The following SLC24A4 variants were observed in gnomAD, a reference collection of about 807,000 sequenced individuals.
SLC24A4 encodes sodium/potassium/calcium exchanger 4.
In SLC24A4, 53 loss-of-function variants were observed where a neutral mutation model predicts 79.0. The ratio of observed to expected loss-of-function variants is 0.67; its 90% CI spans 0.54 to 0.84. The LOEUF is 0.84. Among genes scored for constraint, SLC24A4 ranks in the 40% least tolerant of loss-of-function variants. The probability of loss-of-function intolerance (pLI) is 0.00; values close to 1 mark genes in which losing one functional copy is unlikely to be tolerated. For synonymous variants in SLC24A4, 323 were observed against 323.8 expected (o/e 1.00, Z 0.03); for missense variants, 731 against 822.0 (o/e 0.89, Z 1.35).
chr14:92,326,455 C>T (rs930634606), intron 2 of SLC24A4, among the ~76,000 whole-genome samples: 1 of 150,526 alleles, frequency 6.6e-6, no homozygotes, highest in African/African-American at 2.4e-5. Flanking sequence ...CTGTTTCTCT[C>T]AAATGGGAGT....
chr14:92,444,559 T>G (rs900538301), intron 7 of SLC24A4, among the ~76,000 whole-genome samples: 5 of 152,202 alleles, frequency 3.3e-5, no homozygotes, highest in Admixed American at 3.3e-4. Context: ...CTTTGATTTA[T>G]AAAATGAAGT....
chr14:92,435,269 G>C (rs965287679), intron 3 of SLC24A4, among the ~76,000 whole-genome samples: 3 of 152,190 alleles, frequency 2.0e-5, no homozygotes, highest in Non-Finnish European at 2.9e-5. Context: ...TAAGTTACAA[G>C]TCACTCTCTG....
intron 2 of SLC24A4, among the ~76,000 whole-genome samples, chr14:92,431,664 A>G (rs558364648): frequency 1.3e-5 from 2 of 152,354 alleles, no homozygotes; most frequent in East Asian, 1.9e-4. Flanking sequence ...AGGATGACTG[A>G]TTCGTCACCG....
At chr14:92,413,686 C>G (rs61977266) in intron 2 of SLC24A4, among the ~76,000 whole-genome samples, 10,050 of 152,276 alleles carry the variant, frequency 0.066, 441 homozygotes, top group East Asian at 0.095. Context: ...GATTGAAAGT[C>G]AAAATCTGGG....
At chr14:92,384,381 T>G (rs940168573) in intron 2 of SLC24A4, among the ~76,000 whole-genome samples, 5 of 152,048 alleles carry the variant, frequency 3.3e-5, no homozygotes, top group Admixed American at 2.0e-4. Flanking sequence ...GCCCTGATGT[T>G]TTTTTCAGGG....
At chr14:92,443,926 G>A (rs886340414) in intron 7 of SLC24A4, among the ~76,000 whole-genome samples, 4 of 152,130 alleles carry the variant, frequency 2.6e-5, no homozygotes, top group Admixed American at 6.5e-5. Context: ...TGGGTGGCGG[G>A]CTTCCCTCAG....
chr14:92,330,077 T>G (rs754280958), intron 2 of SLC24A4, among the ~76,000 whole-genome samples: 44 of 152,076 alleles, frequency 2.9e-4, no homozygotes, highest in Non-Finnish European at 5.3e-4. Flanking sequence ...AAGTCAGAGG[T>G]GGTGCTCGCT....
intron 2 of SLC24A4, among the ~76,000 whole-genome samples, chr14:92,402,693 G>A (rs918400798): frequency 1.3e-5 from 2 of 152,050 alleles, no homozygotes; most frequent in Non-Finnish European, 2.9e-5. Context: ...TTCTTACATG[G>A]ATGGCAGCAG....
chr14:92,456,620 G>C lies in SLC24A4; in HGVS notation c.1255+12G>C. 6.2e-7 allele frequency: 1 copy of C among 1,612,090 alleles called. No individual in the cohort carries two copies. Among genetic ancestry groups the C allele is most frequent in the South Asian group, 1.1e-5 (1 of 90,968 alleles). ...CTTCTCCGTGCCGGGTGAGTTCTGG[G>C]GGTACTGGACTCTCGGGCTACATTT... is the stretch of plus-strand genomic sequence containing the variant. On this transcript the variant is annotated intron_variant, in intron 12 of 16. Coordinates refer to ENST00000532405, the MANE Select transcript of SLC24A4 (RefSeq NM_153646.4).
intron 12 of SLC24A4, among the ~76,000 whole-genome samples, chr14:92,474,863 A>ATATATATATATTTTT (rs36185636): frequency 1.1e-3 from 63 of 57,118 alleles, no homozygotes; most frequent in African/African-American, 3.9e-3. Context: ...ATATATATAT[A>ATATATATATATTTTT]TTTTTTTTTT....
chr14:92,392,519 G>A (rs1051151410), intron 2 of SLC24A4, among the ~76,000 whole-genome samples: 2 of 151,898 alleles, frequency 1.3e-5, no homozygotes, highest in Admixed American at 6.6e-5. Flanking sequence ...GCATCGTGGC[G>A]GCTAGAATCA....
intron 2 of SLC24A4, among the ~76,000 whole-genome samples, chr14:92,374,021 T>C (rs1888356350): frequency 6.6e-6 from 1 of 152,232 alleles, no homozygotes; most frequent in South Asian, 2.1e-4. Flanking sequence ...AAGAGACTCT[T>C]TTTCAAATGA....
chr14:92,454,610 A>G lies in SLC24A4; in HGVS notation c.1050+541A>G, dbSNP rs140041508. Among the ~76,000 whole-genome samples the G allele has an allele frequency of 2.2e-3, 340 of 152,352 alleles. 1 individual carries two copies. The Middle Eastern group carries it at 0.024, about 11-fold the overall frequency. On this transcript the variant is annotated intron_variant, in intron 11 of 16. Transcript: ENST00000532405. ...CACCAACTTTTCCAGTCTTTGTTGCATGTGTGCATTTTGGAATTTTAAGTC... is the reference window on the plus strand; with the variant it reads ...CACCAACTTTTCCAGTCTTTGTTGCGTGTGTGCATTTTGGAATTTTAAGTC...
At chr14:92,411,636 G>T (rs1392774400) in intron 2 of SLC24A4, among the ~76,000 whole-genome samples, 1 of 152,198 alleles carries the variant, frequency 6.6e-6, no homozygotes, top group Non-Finnish European at 1.5e-5. Flanking sequence ...GGTGGAGGAG[G>T]AGGAGAAATC....
chr14:92,340,852 A>T (rs567771382), intron 2 of SLC24A4, among the ~76,000 whole-genome samples: 4 of 152,300 alleles, frequency 2.6e-5, no homozygotes, highest in African/African-American at 7.2e-5. Context: ...GCAGGATTTT[A>T]CCGAGGCCCC....
At position 92,459,549 on chromosome 14, in the gene SLC24A4, C is replaced by T. The variant is rs778572405; in HGVS notation, c.1255+2941C>T. Among the ~76,000 whole-genome samples the T allele has an allele frequency of 7.9e-5, 12 of 152,318 alleles. No individual in the cohort carries two copies. In the East Asian group the frequency reaches 1.5e-3, roughly 20 times the overall value. On this transcript the variant is annotated intron_variant, in intron 12 of 16. Coordinates refer to ENST00000532405, the MANE Select transcript of SLC24A4 (RefSeq NM_153646.4). Reference sequence around the variant, plus strand: ...GTGCATGCCTGAGCCAAGTTCCACACGTTTCCTCTGTGCGAGTGTCCTCCC... The same window carrying T: ...GTGCATGCCTGAGCCAAGTTCCACATGTTTCCTCTGTGCGAGTGTCCTCCC...
At chr14:92,366,850 T>C (rs1330855131) in intron 2 of SLC24A4, among the ~76,000 whole-genome samples, 1 of 152,210 alleles carries the variant, frequency 6.6e-6, no homozygotes, top group Non-Finnish European at 1.5e-5. Flanking sequence ...AAGGGGTGAT[T>C]ACGTCCATTT....
intron 1 of SLC24A4, among the ~76,000 whole-genome samples, chr14:92,324,697 A>T (rs1259906033): frequency 6.6e-6 from 1 of 152,242 alleles, no homozygotes; most frequent in African/African-American, 2.4e-5. Context: ...TCCCTAACTC[A>T]GGAGACATTC....
chr14:92,363,510 G>A (rs1887650231), intron 2 of SLC24A4, among the ~76,000 whole-genome samples: 1 of 152,212 alleles, frequency 6.6e-6, no homozygotes, highest in African/African-American at 2.4e-5. Flanking sequence ...GTTGCATGTA[G>A]CCTCCAGATT....
Sources: gnomAD v4.1 joint callset for allele counts (sites outside exome capture counted in the v4.1 genomes callset) on GRCh38, gnomAD v4.1.1 for gene constraint, MANE v1.5 for transcripts, NCBI Gene and HGNC (gene_info 2026-07-23, HGNC 2026-07-21) for gene names.